Variants in MIS18A observed in about 807,000 individuals in gnomAD.
The protein encoded by MIS18A is MIS18 kinetochore protein A.
Under a neutral mutation model 25.0 loss-of-function variants are expected in MIS18A, and 14 were observed. The observed-to-expected ratio is 0.56, with a 90% CI of 0.37 to 0.88. MIS18A has a LOEUF of 0.88. Among genes scored for constraint, MIS18A ranks in the 40% least tolerant of loss-of-function variants. The pLI, the probability that MIS18A is intolerant of heterozygous loss-of-function variation, is 0.00. For missense variants in MIS18A, 292 were observed against 290.8 expected, an observed-to-expected ratio of 1.00 and a Z score of -0.03; for synonymous variants, 134 against 118.6, an observed-to-expected ratio of 1.13 and a Z score of -0.84.
the MIS18A span, among the ~76,000 whole-genome samples, chr21:32,182,606 A>G: frequency 6.6e-6 from 1 of 152,202 alleles, no homozygotes; most frequent in African/African-American, 2.4e-5. Flanking sequence ...GGGTCCACAC[A>G]TAGCTTTCCA....
At chr21:32,173,555 A>C in the MIS18A span, among the ~76,000 whole-genome samples, 1 of 152,222 alleles carries the variant, frequency 6.6e-6, no homozygotes, top group Non-Finnish European at 1.5e-5. Flanking sequence ...AATGTCCATC[A>C]ATGGATGAAT....
chr21:32,201,302 GATAA>G, the MIS18A span, among the ~76,000 whole-genome samples: 3 of 151,944 alleles, frequency 2.0e-5, no homozygotes, highest in East Asian at 5.8e-4. Flanking sequence ...CGAGACAGAG[GATAA>G]ATAGAGGAAC....
At chr21:32,229,666 T>C in the MIS18A span, among the ~76,000 whole-genome samples, 1 of 152,234 alleles carries the variant, frequency 6.6e-6, no homozygotes, top group Non-Finnish European at 1.5e-5. Context: ...CTTGTGTTTA[T>C]TCACATCACA....
chr21:32,273,115 CTTT>C (rs879786505), intron 2 of MIS18A, among the ~76,000 whole-genome samples: 3 of 134,424 alleles, frequency 2.2e-5, no homozygotes, highest in Non-Finnish European at 3.2e-5. Flanking sequence ...AACTTTTTTT[CTTT>C]TTTTTTTTTT....
the MIS18A span, among the ~76,000 whole-genome samples, chr21:32,189,716 A>G: frequency 6.6e-6 from 1 of 151,966 alleles, no homozygotes; most frequent in Non-Finnish European, 1.5e-5. Context: ...TGTGTCCTTT[A>G]GGACTGAGCT....
the MIS18A span, among the ~76,000 whole-genome samples, chr21:32,229,037 C>T: frequency 6.6e-6 from 1 of 151,952 alleles, no homozygotes; most frequent in Non-Finnish European, 1.5e-5. Context: ...AAATGGCTGC[C>T]ACTAATTCTA....
At chr21:32,170,457 A>G in the MIS18A span, among the ~76,000 whole-genome samples, 1 of 152,168 alleles carries the variant, frequency 6.6e-6, no homozygotes, top group Admixed American at 6.5e-5. Flanking sequence ...AATATAAGAA[A>G]TGGAAATTCT....
chr21:32,196,701 G>A, the MIS18A span, among the ~76,000 whole-genome samples: 4 of 152,082 alleles, frequency 2.6e-5, no homozygotes, highest in African/African-American at 4.8e-5. Context: ...TGATCCGCCC[G>A]CCTTGGCCTC....
chr21:32,170,484 ATAAC>A, the MIS18A span, among the ~76,000 whole-genome samples: 2 of 152,162 alleles, frequency 1.3e-5, no homozygotes, highest in Non-Finnish European at 2.9e-5. Flanking sequence ...GAAAAGTAGA[ATAAC>A]TAAATTGAAA....
chr21:32,243,587 A>G, the MIS18A span, among the ~76,000 whole-genome samples: 2 of 152,224 alleles, frequency 1.3e-5, no homozygotes, highest in South Asian at 4.1e-4. Flanking sequence ...GAGAAACTGG[A>G]ACATCTAAAC....
chr21:32,266,967 AACAC>A (rs199958126), downstream of MIS18A, among the ~76,000 whole-genome samples: 9,364 of 149,486 alleles, frequency 0.063, 365 homozygotes, highest in Middle Eastern at 0.11. Context: ...GGACAAGTTA[AACAC>A]ACACACACAC....
At chr21:32,220,356 G>T in the MIS18A span, among the ~76,000 whole-genome samples, 6 of 152,330 alleles carry the variant, frequency 3.9e-5, no homozygotes, top group East Asian at 1.2e-3. Context: ...TGGACCTCCT[G>T]CAAACTCCAC....
At chr21:32,158,454 C>T in the MIS18A span, among the ~76,000 whole-genome samples, 1 of 149,884 alleles carries the variant, frequency 6.7e-6, no homozygotes, top group African/African-American at 2.5e-5. Flanking sequence ...AGACCCATCT[C>T]TAGAAAGATT....
the MIS18A span, among the ~76,000 whole-genome samples, chr21:32,168,295 C>T: frequency 6.6e-6 from 1 of 152,050 alleles, no homozygotes; most frequent in African/African-American, 2.4e-5. Flanking sequence ...TATCCCAGCC[C>T]AAGCAGACAA....
the MIS18A span, among the ~76,000 whole-genome samples, chr21:32,220,883 G>T: frequency 6.6e-6 from 1 of 151,892 alleles, no homozygotes; most frequent in African/African-American, 2.4e-5. Flanking sequence ...GGATATCAGA[G>T]ATTGAAGATC....
the MIS18A span, among the ~76,000 whole-genome samples, chr21:32,160,260 C>T: frequency 6.7e-6 from 1 of 150,054 alleles, no homozygotes; most frequent in Non-Finnish European, 1.5e-5. Context: ...AAAATCAGAG[C>T]TTAGTCCTCA....
chr21:32,161,452 C>G, the MIS18A span, among the ~76,000 whole-genome samples: 3 of 151,850 alleles, frequency 2.0e-5, no homozygotes, highest in South Asian at 2.1e-4. Context: ...TTAGGCAACA[C>G]AGGGCTGCAT....
chr21:32,263,451 A>G (rs2031541441), downstream of MIS18A, among the ~76,000 whole-genome samples: 1 of 152,130 alleles, frequency 6.6e-6, no homozygotes, highest in South Asian at 2.1e-4. Context: ...AAATACAAGA[A>G]TTAGCCAGGC....
chr21:32,270,691 CA>C, intron 2 of MIS18A, 162 bp from the exon 3 acceptor site: 2 of 697,926 alleles, frequency 2.9e-6, no homozygotes, highest in Non-Finnish European at 4.0e-6. Flanking sequence ...AAGATATTTA[CA>C]ATAAAAATGT....
Sources: allele counts gnomAD v4.1 joint callset (sites outside exome capture counted in the v4.1 genomes callset), GRCh38; gene constraint gnomAD v4.1.1; transcripts MANE v1.5; gene names NCBI Gene and HGNC (gene_info 2026-07-23, HGNC 2026-07-21).